CEP44: variants seen among roughly 807,000 people sequenced by gnomAD.
CEP44 encodes centrosomal protein 44.
CEP44 carries 45 observed loss-of-function variants against 46.7 expected under a neutral mutation model. That is an observed-to-expected ratio of 0.96 (90% CI 0.76 to 1.24). CEP44 has a LOEUF of 1.24. Ranked by LOEUF, CEP44 falls within the 50% of genes most tolerant of loss-of-function variation. The pLI is 0.00. For missense variants in CEP44, 475 were observed against 459.7 expected (o/e 1.03, Z -0.30); for synonymous variants, 142 against 146.0 (o/e 0.97, Z 0.20).
intron 1 of CEP44, among the ~76,000 whole-genome samples, chr4:174,289,747 T>C (rs1029225554): frequency 2.6e-5 from 4 of 152,110 alleles, no homozygotes; most frequent in Non-Finnish European, 5.9e-5. Flanking sequence ...TAATCTAATC[T>C]TTATTATTTT....
intron 1 of CEP44, among the ~76,000 whole-genome samples, chr4:174,285,795 A>T (rs1426849226): frequency 6.6e-6 from 1 of 152,166 alleles, no homozygotes; most frequent in Non-Finnish European, 1.5e-5. Context: ...ATCCAAGAAT[A>T]CATTTTTTGC....
chr4:174,318,588 T>G lies in CEP44; in HGVS notation c.*1205T>G. ...AAATCCTCAAGAAAATTGACTTCAT[T>G]ATTTGGAAGGAAAATTAGTATTTTT... On this transcript the variant is annotated 3_prime_UTR_variant, in exon 12 of 12. Coordinates refer to ENST00000503780, the MANE Select transcript of CEP44 (RefSeq NM_001040157.3). The G allele has an allele frequency of 1.3e-6, 1 of 789,560 alleles. No homozygotes were observed. The highest frequency in any genetic ancestry group is 1.5e-6 in the Non-Finnish European group (1 of 652,494). The allele number at this position is 789,560 out of a possible 1,614,324, so 48.9% of individuals were successfully genotyped here.
intron 5 of CEP44, 111 bp from the exon 6 acceptor site, chr4:174,304,135 AT>A (rs1740091419): frequency 8.0e-7 from 1 of 1,247,650 alleles, no homozygotes; most frequent in Middle Eastern, 2.8e-4. Flanking sequence ...TTAGAGTCTC[AT>A]TATTTGTCAG....
intron 1 of CEP44, among the ~76,000 whole-genome samples, chr4:174,295,607 A>G (rs2126545368): frequency 6.6e-6 from 1 of 151,990 alleles, no homozygotes; most frequent in African/African-American, 2.4e-5. Context: ...AGAGGCTGCA[A>G]TCTTGGCACT....
rs1466318229 is a variant in CEP44, at chr4:174,290,853, G to C, written c.-148+6910G>C. ...GATGTTGGGTGCATATGTATTTTTAGTTGTTGTATCTTTCTATTGAATTGA... is the reference window on the plus strand; with the variant it reads ...GATGTTGGGTGCATATGTATTTTTACTTGTTGTATCTTTCTATTGAATTGA... On this transcript the variant is annotated intron_variant, in intron 1 of 11. Transcript: ENST00000503780. The surrounding 1 kb of genome is among the most constrained non-coding windows in gnomAD (Gnocchi z 4.3). Among the ~76,000 whole-genome samples, 1 of 152,048 alleles carries C rather than the reference G, an allele frequency of 6.6e-6. No homozygotes were observed. Among genetic ancestry groups the C allele is most frequent in the African/African-American group, 2.4e-5 (1 of 41,426 alleles).
At chr4:174,306,935 A>G (rs555889217) in intron 6 of CEP44, among the ~76,000 whole-genome samples, 6 of 152,324 alleles carry the variant, frequency 3.9e-5, no homozygotes, top group Admixed American at 1.3e-4. Flanking sequence ...AAGCAAAACT[A>G]TAAACCATTG....
chr4:174,318,860 AGT>A lies in CEP44; in HGVS notation c.*1479_*1480del. On this transcript the variant is annotated 3_prime_UTR_variant, in exon 12 of 12. Coordinates refer to ENST00000503780, the MANE Select transcript of CEP44 (RefSeq NM_001040157.3). The stretch of plus-strand genomic sequence containing the variant: ...GGTCTCACTCTATTGCCCAGGCTGG[AGT>A]GCACTGGCGTGATCTCGGCTCACTG... The A allele has an allele frequency of 2.3e-6, 1 of 430,988 alleles. No homozygotes were observed. Among genetic ancestry groups the A allele is most frequent in the Non-Finnish European group, 3.1e-6 (1 of 326,686 alleles). The allele number at this position is 430,988 out of a possible 1,614,324, so 26.7% of individuals were successfully genotyped here. A position where few individuals can be genotyped will look rare whatever the true frequency, so the allele number is the denominator to read the frequency against.
chr4:174,303,619 T>C (rs1189408459), intron 4 of CEP44, 84 bp from the exon 5 acceptor site: 4 of 814,790 alleles, frequency 4.9e-6, no homozygotes, highest in Non-Finnish European at 7.6e-6. Flanking sequence ...GTGGCCATTA[T>C]TCCCCTGACC....
At chr4:174,304,000 T>A in intron 5 of CEP44, 151 bp downstream of exon 5, 2 of 727,062 alleles carry the variant, frequency 2.8e-6, no homozygotes, top group African/African-American at 1.8e-5. Context: ...TAAAGCTTGT[T>A]GTTTATTTTA....
intron 1 of CEP44, among the ~76,000 whole-genome samples, chr4:174,289,830 T>C (rs1737976975): frequency 6.6e-6 from 1 of 151,998 alleles, no homozygotes; most frequent in East Asian, 1.9e-4. Context: ...GGTTGTTTTA[T>C]TGAGACCTTT....
Position 174,331,510 on chromosome 4 carries a change from C to G in CEP44, c.1115C>G (p.Ser372Cys). The change falls in exon 9 of 9, where the codon TCT becomes TGT. Residue 372 changes from serine (S) to cysteine (C), a missense_variant. By Grantham distance (112) the Ser-to-Cys change is moderately radical. Transcript: ENST00000426172. The surrounding 1 kb of genome is among the most constrained non-coding windows in gnomAD (Gnocchi z 4.5). ...TTTCCTGCATGGAGTGCTACATCCT[C>G]TTGTTCCAGTCTCAGCTGGCTGCTC... 2 of 1,551,606 alleles carry G rather than the reference C, an allele frequency of 1.3e-6. No individual in the cohort carries two copies. Among genetic ancestry groups the G allele is most frequent in the Non-Finnish European group, 1.7e-6 (2 of 1,146,930 alleles).
Position 174,318,318 on chromosome 4 carries a change from C to T in CEP44, c.*935C>T. 4.1e-6 allele frequency: 4 copies of T among 985,282 alleles called. No individual in the cohort carries two copies. Among genetic ancestry groups the T allele is most frequent in the Non-Finnish European group, 4.8e-6 (4 of 829,896 alleles). The allele number at this position is 985,282 out of a possible 1,614,324, so 61.0% of individuals were successfully genotyped here. A position where few individuals can be genotyped will look rare whatever the true frequency, so the allele number is the denominator to read the frequency against. On this transcript the variant is annotated 3_prime_UTR_variant, in exon 12 of 12. Transcript: ENST00000503780. The stretch of plus-strand genomic sequence containing the variant: ...CCTCAGGTGATCTGCCTGTCTTGGC[C>T]TCCGGCGTAACACTTTTTAAGACCA...
rs1731201316 is a variant in CEP44 at position 174,329,527 on chromosome 4, T to C, written c.1087-1955T>C. Among the ~76,000 whole-genome samples, 1 of 152,214 alleles carries C rather than the reference T, an allele frequency of 6.6e-6. No individual in the cohort carries two copies. Among genetic ancestry groups the C allele is most frequent in the East Asian group, 1.9e-4 (1 of 5,200 alleles). ...TTATAAAGTTGTCAATGTTGAAATATATTTGGTATTTTAGCATTATCTTGC... is the reference window on the plus strand; with the variant it reads ...TTATAAAGTTGTCAATGTTGAAATACATTTGGTATTTTAGCATTATCTTGC... On this transcript the variant is annotated intron_variant, in intron 8 of 8. Transcript: ENST00000426172. This position sits in a 1 kb window ranked among gnomAD's most constrained non-coding sequence, Gnocchi z 4.0.
Position 174,310,711 on chromosome 4 carries a change from C to T in CEP44, c.886-72C>T. Reference sequence around the variant, plus strand: ...TCATGCTACCTTTATATTTTATGCTCAGCATTAAGAATATAAAATGAGAGG... The same window carrying T: ...TCATGCTACCTTTATATTTTATGCTTAGCATTAAGAATATAAAATGAGAGG... On this transcript the variant is annotated intron_variant, in intron 8 of 11. Transcript: ENST00000503780. This position sits in a 1 kb window ranked among gnomAD's most constrained non-coding sequence, Gnocchi z 4.2. The T allele has an allele frequency of 1.3e-6, 1 of 752,700 alleles. No individual in the cohort carries two copies. The highest frequency in any genetic ancestry group is 2.6e-5 in the East Asian group (1 of 38,294). 46.6% of individuals were successfully genotyped at this position (752,700 alleles called of 1,614,324 possible). A position where few individuals can be genotyped will look rare whatever the true frequency, so the allele number is the denominator to read the frequency against.
In CEP44 at chr4:174,318,077, G is replaced by A. The variant is rs1741937172; in HGVS notation, c.*694G>A. On this transcript the variant is annotated 3_prime_UTR_variant, in exon 12 of 12. Coordinates refer to ENST00000503780, the MANE Select transcript of CEP44 (RefSeq NM_001040157.3). ...TGCTCTATTGTATAATTTTTTTGGA[G>A]GGGGGGATGGAGTTTCGCTGTTGTT... 2.0e-6 allele frequency: 2 copies of A among 982,542 alleles called. No individual in the cohort carries two copies. The highest frequency in any genetic ancestry group is 1.8e-5 in the African/African-American group (1 of 57,126). 60.9% of individuals were successfully genotyped at this position (982,542 alleles called of 1,614,324 possible).
intron 1 of CEP44, among the ~76,000 whole-genome samples, chr4:174,285,082 A>G (rs575342602): frequency 3.1e-4 from 47 of 152,374 alleles, no homozygotes; most frequent in African/African-American, 7.9e-4. Flanking sequence ...TCTGACTTGT[A>G]GACAAGGAAG....
intron 1 of CEP44, among the ~76,000 whole-genome samples, chr4:174,289,367 A>G (rs1737912568): frequency 1.3e-5 from 2 of 148,514 alleles, no homozygotes; most frequent in South Asian, 2.1e-4. Flanking sequence ...GCTAGAATGT[A>G]TCTGGCTCTT....
At position 174,309,686 on chromosome 4, in the gene CEP44, G is replaced by T; in HGVS notation, c.679-164G>T. ...CATCAAGATCATAAATCTCAGAACT[G>T]GTTTAAGTGGCCAAGTAGTCTCCAT... On this transcript the variant is annotated intron_variant, in intron 7 of 11. Transcript: ENST00000503780. This position sits in a 1 kb window ranked among gnomAD's most constrained non-coding sequence, Gnocchi z 5.3. Among the ~76,000 whole-genome samples the T allele has an allele frequency of 6.6e-6, 1 of 151,442 alleles. No homozygotes were observed. The highest frequency in any genetic ancestry group is 1.5e-5 in the Non-Finnish European group (1 of 67,802).
chr4:174,316,171 A>G lies in CEP44; in HGVS notation c.967A>G (p.Lys323Glu). The G allele has an allele frequency of 6.2e-7, 1 of 1,611,442 alleles. No individual in the cohort carries two copies. Among genetic ancestry groups the G allele is most frequent in the East Asian group, 2.2e-5 (1 of 44,808 alleles). ...AAAACTTAATTTCTTCACAGACAGAAAAAGCGAAGTAGAGAGGCCAGCAAG... is the reference window on the plus strand; with the variant it reads ...AAAACTTAATTTCTTCACAGACAGAGAAAGCGAAGTAGAGAGGCCAGCAAG... Reference protein sequence around the residue: ...SDMDLLNPHRKSEVERPASIP... With the variant: ...SDMDLLNPHRESEVERPASIP... The change falls in exon 10 of 12, where the codon AAA becomes GAA. Residue 323 changes from lysine (K) to glutamate (E), a missense_variant. Coordinates refer to ENST00000503780, the MANE Select transcript of CEP44 (RefSeq NM_001040157.3).
Sources: gnomAD v4.1 joint callset for allele counts (sites outside exome capture counted in the v4.1 genomes callset) on GRCh38, gnomAD v4.1.1 for gene constraint, Gnocchi (gnomAD v3.1) non-coding constraint, MANE v1.5 for transcripts, NCBI Gene and HGNC (gene_info 2026-07-23, HGNC 2026-07-21) for gene names.